Variants in CBX3 observed in about 807,000 individuals in gnomAD.
CBX3 encodes the protein chromobox 3.
In CBX3, 5 loss-of-function variants were observed where a neutral mutation model predicts 22.6. The observed-to-expected ratio is 0.22, with a 90% CI of 0.12 to 0.47. CBX3 has a LOEUF of 0.47. CBX3 is among the 20% of genes least tolerant of loss of function. The pLI, the probability that CBX3 is intolerant of heterozygous loss-of-function variation, is 0.99. For synonymous variants in CBX3, 50 were observed against 66.6 expected, an observed-to-expected ratio of 0.75 and a Z score of 1.21; for missense variants, 83 against 208.1, an observed-to-expected ratio of 0.40 and a Z score of 3.70.
rs183952353 is a variant in CBX3 at position 26,202,957 on chromosome 7, A to T, written c.-28-14A>T. 8.8e-5 allele frequency: 135 copies of T among 1,535,104 alleles called. No individual in the cohort carries two copies. The highest frequency in any genetic ancestry group is 1.1e-4 in the Non-Finnish European group (125 of 1,115,922). On this transcript the variant is annotated splice_polypyrimidine_tract_variant and intron_variant, in intron 1 of 5. Coordinates refer to ENST00000396386, the MANE Select transcript of CBX3 (RefSeq NM_016587.4). ...GTCATGCAAACTTACCTTAACTGTC[A>T]TGCATTTTTCTAGTAATAGCTCTTC... is the stretch of plus-strand genomic sequence containing the variant.
chr7:26,212,654 C>T lies in CBX3; in HGVS notation c.*446C>T, dbSNP rs1784835493. The stretch of plus-strand genomic sequence containing the variant: ...ATGTAAATTTTTTTTTGTTTTTAAG[C>T]ATTCACCCAAACAAAAAAATCACAG... On this transcript the variant is annotated 3_prime_UTR_variant, in exon 6 of 6. Transcript: ENST00000396386. 1 of 151,968 alleles carries T rather than the reference C, an allele frequency of 6.6e-6. No individual in the cohort carries two copies. Among genetic ancestry groups the T allele is most frequent in the Non-Finnish European group, 1.5e-5 (1 of 68,024 alleles). 9.4% of individuals were successfully genotyped at this position (151,968 alleles called of 1,614,324 possible).
At chr7:26,203,174 G>T in intron 2 of CBX3, 152 bp downstream of exon 2, 1 of 653,774 alleles carries the variant, frequency 1.5e-6, no homozygotes, top group Non-Finnish European at 2.7e-6. Context: ...AGAGAAAAAC[G>T]AATTCATTAC....
intron 2 of CBX3, among the ~76,000 whole-genome samples, chr7:26,203,616 T>G (rs1412152913): frequency 6.6e-6 from 1 of 152,206 alleles, no homozygotes; most frequent in East Asian, 1.9e-4. Flanking sequence ...GATTTTTTTT[T>G]TATCTTATTC....
chr7:26,206,277 G>C, intron 2 of CBX3, 91 bp from the exon 3 acceptor site: 1 of 794,726 alleles, frequency 1.3e-6, no homozygotes, highest in East Asian at 2.7e-5. Context: ...AATTTATGTC[G>C]AATGTGATAA....
At chr7:26,211,622 T>C in intron 4 of CBX3, 40 bp from the exon 5 acceptor site, 1 of 1,271,228 alleles carries the variant, frequency 7.9e-7, no homozygotes. Context: ...AACAATTTAA[T>C]ACTCTGAGTT....
At chr7:26,208,306 C>CG in intron 3 of CBX3, 87 bp from the exon 4 acceptor site, 1 of 1,093,522 alleles carries the variant, frequency 9.1e-7, no homozygotes, top group Non-Finnish European at 1.3e-6. Context: ...TTTATTCCCC[C>CG]GGGTGTCTAT....
intron 3 of CBX3, among the ~76,000 whole-genome samples, chr7:26,206,898 A>G (rs976659622): frequency 3.3e-5 from 5 of 152,234 alleles, no homozygotes; most frequent in African/African-American, 1.2e-4. Flanking sequence ...AGGATTACAT[A>G]TAATCTAGGC....
At chr7:26,207,962 G>A (rs1354358631) in intron 3 of CBX3, among the ~76,000 whole-genome samples, 1 of 151,218 alleles carries the variant, frequency 6.6e-6, no homozygotes, top group Admixed American at 6.6e-5. Context: ...TGTAATTCCA[G>A]CACTTTGGGG....
intron 3 of CBX3, among the ~76,000 whole-genome samples, chr7:26,207,232 T>C (rs1403543044): frequency 6.6e-6 from 1 of 152,228 alleles, no homozygotes; most frequent in Admixed American, 6.5e-5. Flanking sequence ...CACCTATCTG[T>C]TATCTCCTAC....
At chr7:26,203,086 A>G in intron 2 of CBX3, 64 bp downstream of exon 2, 2 of 1,021,440 alleles carry the variant, frequency 2.0e-6, no homozygotes, top group Non-Finnish European at 2.9e-6. Flanking sequence ...CCACAGTATA[A>G]CTTTGCATCT....
Position 26,202,983 on chromosome 7 carries a change from A to G in CBX3, c.-16A>G. On this transcript the variant is annotated 5_prime_UTR_variant, in exon 2 of 6. Transcript: ENST00000396386. The stretch of plus-strand genomic sequence containing the variant: ...TGCATTTTTCTAGTAATAGCTCTTC[A>G]AGTCTGCAATAAAAAATGGCCTCCA... 1.9e-6 allele frequency: 3 copies of G among 1,604,022 alleles called. No individual in the cohort carries two copies. Among genetic ancestry groups the G allele is most frequent in the Non-Finnish European group, 2.6e-6 (3 of 1,171,340 alleles).
At chr7:26,202,019 T>C (rs1261900867) in intron 1 of CBX3, 193 bp downstream of exon 1, 2 of 150,918 alleles carry the variant, frequency 1.3e-5, no homozygotes, top group Non-Finnish European at 3.0e-5. Flanking sequence ...CGCCGGTAGT[T>C]AGTGGGGGGA....
At chr7:26,202,470 C>T (rs118125475) in intron 1 of CBX3, 1 of 152,556 alleles carries the variant, frequency 6.6e-6, no homozygotes, top group East Asian at 1.9e-4. Context: ...ATTCTTTTTT[C>T]AAAGTGTCAC....
intron 3 of CBX3, 156 bp from the exon 4 acceptor site, chr7:26,208,237 G>C (rs1475584605): frequency 8.0e-6 from 4 of 500,518 alleles, no homozygotes; most frequent in South Asian, 7.5e-5. Context: ...GAGGCAGGCT[G>C]GGGGGTGGGG....
At chr7:26,203,314 T>A (rs1784594300) in intron 2 of CBX3, among the ~76,000 whole-genome samples, 1 of 152,214 alleles carries the variant, frequency 6.6e-6, no homozygotes, top group South Asian at 2.1e-4. Context: ...TTTTGCAGCG[T>A]TGAAAAATGT....
chr7:26,207,125 A>G (rs1244207309), intron 3 of CBX3, among the ~76,000 whole-genome samples: 1 of 152,162 alleles, frequency 6.6e-6, no homozygotes, highest in African/African-American at 2.4e-5. Flanking sequence ...TTACACCACA[A>G]AGCTCCATAG....
intron 2 of CBX3, among the ~76,000 whole-genome samples, chr7:26,204,656 C>T (rs1784634402): frequency 6.6e-6 from 1 of 152,154 alleles, no homozygotes; most frequent in Admixed American, 6.5e-5. Context: ...ACTTCATATG[C>T]CTGCATAGCT....
intron 2 of CBX3, among the ~76,000 whole-genome samples, chr7:26,205,859 G>A (rs571794216): frequency 6.6e-6 from 1 of 152,354 alleles, no homozygotes; most frequent in East Asian, 1.9e-4. Context: ...GCCCAGGCTG[G>A]TGAATCACTT....
intron 1 of CBX3, chr7:26,202,628 C>T (rs982119430): frequency 4.0e-6 from 1 of 252,082 alleles, no homozygotes; most frequent in African/African-American, 2.3e-5. Context: ...TTTGGGTAAT[C>T]GTGCCTGGTT....
Sources: gnomAD v4.1 joint callset for allele counts (sites outside exome capture counted in the v4.1 genomes callset) on GRCh38, gnomAD v4.1.1 for gene constraint, MANE v1.5 for transcripts, NCBI Gene and HGNC (gene_info 2026-07-23, HGNC 2026-07-21) for gene names.